The following CCDC3 variants were observed in gnomAD, a reference collection of about 807,000 sequenced individuals.
CCDC3 encodes coiled-coil domain-containing protein 3.
Under a neutral mutation model 21.4 loss-of-function variants are expected in CCDC3, and 24 were observed. The ratio of observed to expected loss-of-function variants is 1.12; its 90% CI spans 0.81 to 1.58. The LOEUF is 1.58. CCDC3 is among the 40% of genes most tolerant of loss of function. CCDC3 has a pLI of 0.00. For synonymous variants in CCDC3, 186 were observed against 166.0 expected (o/e 1.12, Z -0.93); for missense variants, 425 against 360.9 (o/e 1.18, Z -1.44).
In CCDC3 at chr10:13,072,687, T is replaced by C. The variant is rs563920672; in HGVS notation, c.-270+1181A>G. Among the ~76,000 whole-genome samples, 27 of 151,444 alleles carry C rather than the reference T, an allele frequency of 1.8e-4. No individual in the cohort carries two copies. In the East Asian group the frequency reaches 2.3e-3, roughly 13 times the overall value. The stretch of plus-strand genomic sequence containing the variant: ...CTTTGCTGAGTTTTTTCTTTTTTTT[T>C]CCCCCTTTTGCCCAATAAAATGCTG... On this transcript the variant is annotated intron_variant, in intron 4 of 6. Transcript: ENST00000378839.
chr10:13,054,768 A>G (rs1564334276), intron 4 of CCDC3, among the ~76,000 whole-genome samples: 1 of 152,034 alleles, frequency 6.6e-6, no homozygotes, highest in Non-Finnish European at 1.5e-5. Flanking sequence ...CCTGGTTCAA[A>G]TGATTCTCTT....
intron 2 of CCDC3, among the ~76,000 whole-genome samples, chr10:12,935,435 G>A (rs998913553): frequency 3.3e-5 from 5 of 152,100 alleles, no homozygotes; most frequent in Non-Finnish European, 5.9e-5. Flanking sequence ...ACATTTAGAC[G>A]ACTGAAATTT....
In CCDC3 at chr10:12,897,175, G is replaced by T. The variant is rs1834014510; in HGVS notation, c.*1241C>A. The stretch of plus-strand genomic sequence containing the variant: ...AAGAGCAGGGAAGGGCCCTTGTTGG[G>T]TTGAAAGGCCATGATCAGAAGATAA... On this transcript the variant is annotated 3_prime_UTR_variant, in exon 3 of 3. Transcript: ENST00000378825. 1 of 152,320 alleles carries T rather than the reference G, an allele frequency of 6.6e-6. No individual in the cohort carries two copies. Among genetic ancestry groups the T allele is most frequent in the African/African-American group, 2.4e-5 (1 of 41,442 alleles). The allele number at this position is 152,320 out of a possible 1,614,324, so 9.4% of individuals were successfully genotyped here. A position where few individuals can be genotyped will look rare whatever the true frequency, so the allele number is the denominator to read the frequency against.
At chr10:13,090,906 A>C (rs1832558850) in intron 3 of CCDC3, among the ~76,000 whole-genome samples, 1 of 152,230 alleles carries the variant, frequency 6.6e-6, no homozygotes, top group African/African-American at 2.4e-5. Flanking sequence ...CAAGTCCCAA[A>C]GCCTCAAAAG....
At chr10:12,955,483 A>C (rs2668901) in intron 2 of CCDC3, among the ~76,000 whole-genome samples, 1 of 152,222 alleles carries the variant, frequency 6.6e-6, no homozygotes, top group Non-Finnish European at 1.5e-5. Flanking sequence ...GGATAGAGGA[A>C]AGGGAGGCAA....
At position 13,001,644 on chromosome 10, in the gene CCDC3, TG is replaced by T; in HGVS notation, c.-75del. 1.0e-6 allele frequency: 1 copy of T among 999,618 alleles called. No homozygotes were observed. The highest frequency in any genetic ancestry group is 1.2e-6 in the Non-Finnish European group (1 of 826,998). 61.9% of individuals were successfully genotyped at this position (999,618 alleles called of 1,614,324 possible). ...CCCGCCGGCCCGGGAAGGGCAGCCC[TG>T]GGCGCTCGGCTGCTCGGGCCGCTCC... On this transcript the variant is annotated 5_prime_UTR_variant, in exon 1 of 3. Transcript: ENST00000378825.
At chr10:13,011,395 A>G (rs191227781) in intron 5 of CCDC3, among the ~76,000 whole-genome samples, 10 of 152,246 alleles carry the variant, frequency 6.6e-5, no homozygotes, top group East Asian at 5.8e-4. Context: ...CACTAATAGC[A>G]CTCAAGCTGA....
At chr10:12,959,759 G>A (rs551671126) in intron 2 of CCDC3, among the ~76,000 whole-genome samples, 20 of 152,248 alleles carry the variant, frequency 1.3e-4, no homozygotes, top group Admixed American at 1.1e-3. Flanking sequence ...GCTGGTCAAA[G>A]CCAGAGCCTC....
chr10:13,008,771 C>T (rs549681278), intron 5 of CCDC3, among the ~76,000 whole-genome samples: 2 of 152,252 alleles, frequency 1.3e-5, no homozygotes, highest in East Asian at 1.9e-4. Context: ...AGTAAGTTAG[C>T]AATAGAAGGG....
intron 2 of CCDC3, among the ~76,000 whole-genome samples, chr10:12,980,113 C>G (rs888720621): frequency 2.0e-5 from 3 of 152,216 alleles, no homozygotes; most frequent in African/African-American, 7.2e-5. Context: ...TCCTGACATT[C>G]TTCATCCTGT....
chr10:12,967,978 G>T (rs1035775334), intron 2 of CCDC3, among the ~76,000 whole-genome samples: 3 of 152,112 alleles, frequency 2.0e-5, no homozygotes, highest in Non-Finnish European at 4.4e-5. Context: ...AGACCAGCCT[G>T]ACCAACATGG....
chr10:13,048,388 T>C (rs1369111977), intron 5 of CCDC3, among the ~76,000 whole-genome samples: 1 of 152,054 alleles, frequency 6.6e-6, no homozygotes, highest in Non-Finnish European at 1.5e-5. Flanking sequence ...GAGACGGGGT[T>C]TCACCATGTT....
At chr10:13,091,839 A>T (rs888808471) in intron 3 of CCDC3, among the ~76,000 whole-genome samples, 58 of 113,728 alleles carry the variant, frequency 5.1e-4, no homozygotes, top group Non-Finnish European at 9.2e-4. Context: ...AAAAAAAAAA[A>T]AATTCCTCCT....
intron 2 of CCDC3, among the ~76,000 whole-genome samples, chr10:12,942,949 C>T (rs752093959): frequency 4.6e-5 from 7 of 152,122 alleles, no homozygotes; most frequent in Admixed American, 1.3e-4. Context: ...AGATGAATGA[C>T]GCCATTTCAG....
chr10:12,957,101 C>T (rs1261440647), intron 2 of CCDC3, among the ~76,000 whole-genome samples: 1 of 152,216 alleles, frequency 6.6e-6, no homozygotes, highest in Non-Finnish European at 1.5e-5. Context: ...AGGGCTCTGT[C>T]TCTGAGTCTC....
intron 1 of CCDC3, 54 bp from the exon 2 acceptor site, chr10:12,998,566 G>T: frequency 6.5e-7 from 1 of 1,539,006 alleles, no homozygotes; most frequent in Non-Finnish European, 8.8e-7. Flanking sequence ...GGGTGTACCA[G>T]CTCCAATCCA....
chr10:13,011,724 A>G (rs1175074683), intron 5 of CCDC3, among the ~76,000 whole-genome samples: 1 of 152,208 alleles, frequency 6.6e-6, no homozygotes, highest in Non-Finnish European at 1.5e-5. Flanking sequence ...TGGAACCAAA[A>G]AAGGGCCCAA....
At chr10:12,926,987 T>C (rs1251021) in intron 2 of CCDC3, among the ~76,000 whole-genome samples, 110,268 of 152,108 alleles carry the variant, frequency 0.72, 40,215 homozygotes, top group Non-Finnish European at 0.75. Flanking sequence ...CAATTTCCAT[T>C]TTGGAAAAAA....
At chr10:13,095,398 G>C (rs548816544) in intron 3 of CCDC3, among the ~76,000 whole-genome samples, 1 of 142,804 alleles carries the variant, frequency 7.0e-6, no homozygotes, top group South Asian at 2.5e-4. Flanking sequence ...CCAGGAACTG[G>C]TTTCATGGAA....
Sources: gnomAD v4.1 joint callset for allele counts (sites outside exome capture counted in the v4.1 genomes callset) on GRCh38, gnomAD v4.1.1 for gene constraint, MANE v1.5 for transcripts, NCBI Gene and HGNC (gene_info 2026-07-23, HGNC 2026-07-21) for gene names.